DGKD: variants seen among roughly 807,000 people sequenced by gnomAD.
DGKD encodes the protein diacylglycerol kinase delta, also known as DAG kinase delta.
In DGKD, 68 loss-of-function variants were observed where a neutral mutation model predicts 154.4. The observed-to-expected ratio is 0.44, with a 90% CI of 0.36 to 0.54. DGKD has a LOEUF of 0.54. Ranked by LOEUF, DGKD falls within the 20% of genes least tolerant of loss-of-function variation. The probability of loss-of-function intolerance (pLI) is 0.00; values close to 1 mark genes in which losing one functional copy is unlikely to be tolerated. For missense variants in DGKD, 1,343 were observed against 1,593.6 expected (o/e 0.84, Z 2.68); for synonymous variants, 693 against 638.0 (o/e 1.09, Z -1.30).
chr2:233,419,120 A>T (rs2062037060), intron 3 of DGKD: 1 of 597,254 alleles, frequency 1.7e-6, no homozygotes, highest in Admixed American at 6.3e-5. Context: ...AAGTGACAGA[A>T]ATGACCCAGG....
chr2:233,376,409 C>T (rs1405727124), intron 1 of DGKD, among the ~76,000 whole-genome samples: 1 of 152,130 alleles, frequency 6.6e-6, no homozygotes, highest in Non-Finnish European at 1.5e-5. Context: ...CCAATTTCTT[C>T]ATTAGTAAAA....
intron 3 of DGKD, among the ~76,000 whole-genome samples, chr2:233,391,270 A>G (rs1703591731): frequency 6.6e-6 from 1 of 152,124 alleles, no homozygotes; most frequent in African/African-American, 2.4e-5. Context: ...TTCTAAATGC[A>G]CAGAATCATG....
chr2:233,418,074 A>G (rs973944037), intron 3 of DGKD, among the ~76,000 whole-genome samples: 2 of 152,246 alleles, frequency 1.3e-5, no homozygotes, highest in Non-Finnish European at 2.9e-5. Flanking sequence ...GATTATTTAT[A>G]CAGACTAGTT....
intron 3 of DGKD, among the ~76,000 whole-genome samples, chr2:233,405,319 G>A (rs1263906621): frequency 1.3e-5 from 2 of 152,196 alleles, no homozygotes; most frequent in African/African-American, 4.8e-5. Context: ...GGGAGTTTGA[G>A]ATCAGCCTGA....
rs1394786147 is a variant in DGKD at position 233,435,747 on chromosome 2, C to T, written c.587-71C>T. 8 of 1,456,028 alleles carry T rather than the reference C, an allele frequency of 5.5e-6. No homozygotes were observed. The Admixed American group carries it at 1.4e-4, about 26-fold the overall frequency. 90.2% of individuals were successfully genotyped at this position (1,456,028 alleles called of 1,614,324 possible). A position where few individuals can be genotyped will look rare whatever the true frequency, so the allele number is the denominator to read the frequency against. On this transcript the variant is annotated intron_variant, in intron 5 of 29. Coordinates refer to ENST00000264057, the MANE Select transcript of DGKD (RefSeq NM_152879.3). ...CTTTTCTGGAGCTGGACGGTTCTCA[C>T]AACACTGCTCAGCATGGGAAGCTCT...
intron 3 of DGKD, among the ~76,000 whole-genome samples, chr2:233,400,447 C>G (rs186308031): frequency 6.6e-6 from 1 of 152,360 alleles, no homozygotes; most frequent in African/African-American, 2.4e-5. Context: ...ACTGCCCTGT[C>G]TGAGACGCCT....
At chr2:233,453,840 T>A (rs1481385392) in intron 18 of DGKD, among the ~76,000 whole-genome samples, 3 of 143,062 alleles carry the variant, frequency 2.1e-5, no homozygotes, top group Non-Finnish European at 4.5e-5. Context: ...CTTGAATGAG[T>A]CTCTTCTCGT....
At position 233,443,515 on chromosome 2, in the gene DGKD, G is replaced by A. The variant is rs376794281; in HGVS notation, c.1194+1520G>A. Among the ~76,000 whole-genome samples, 24 of 152,250 alleles carry A rather than the reference G, an allele frequency of 1.6e-4. No individual in the cohort carries two copies. The East Asian group carries it at 3.9e-3, about 24-fold the overall frequency. On this transcript the variant is annotated intron_variant, in intron 10 of 29. Coordinates refer to ENST00000264057, the MANE Select transcript of DGKD (RefSeq NM_152879.3). ...GTCAACGTCTGTCATATTTGCAGCT[G>A]CCTACACCCCAAGATTAAGATTTGC...
At position 233,419,717 on chromosome 2, in the gene DGKD, C is replaced by T. The variant is rs1442147900; in HGVS notation, c.349-14663C>T. 5.9e-5 allele frequency among the ~76,000 whole-genome samples: 9 copies of T among 152,274 alleles called. 1 individual carries two copies. In the South Asian group the frequency reaches 1.7e-3, roughly 28 times the overall value. On this transcript the variant is annotated intron_variant, in intron 3 of 29. Coordinates refer to ENST00000264057, the MANE Select transcript of DGKD (RefSeq NM_152879.3). ...AATTCCTACAGTCTGAGCTTTGTCA[C>T]GGGAAAATTTCCCTCCAGTCCCCCA...
intron 10 of DGKD, among the ~76,000 whole-genome samples, chr2:233,444,509 G>A (rs1413148248): frequency 6.6e-6 from 1 of 151,456 alleles, no homozygotes; most frequent in Non-Finnish European, 1.5e-5. Context: ...GCTCTGCCTT[G>A]CCCCCTCCCA....
chr2:233,431,225 T>G (rs1043675200), intron 3 of DGKD, among the ~76,000 whole-genome samples: 3 of 152,246 alleles, frequency 2.0e-5, no homozygotes, highest in African/African-American at 7.2e-5. Context: ...TAATCCCATT[T>G]ACAGTAGTTG....
Position 233,458,612 on chromosome 2 carries a change from A to ATTT in DGKD, c.2694+230_2694+232dup, listed in dbSNP as rs1181817947. Among the ~76,000 whole-genome samples the ATTT allele has an allele frequency of 2.1e-5, 3 of 140,090 alleles. No homozygotes were observed. Among genetic ancestry groups the ATTT allele is most frequent in the Non-Finnish European group, 3.1e-5 (2 of 64,194 alleles). The allele number at this position is 140,090 out of a possible 152,430, so 91.9% of individuals were successfully genotyped here. On this transcript the variant is annotated intron_variant, in intron 22 of 29. Transcript: ENST00000264057. The surrounding 1 kb of genome is among the most constrained non-coding windows in gnomAD (Gnocchi z 6.6). ...TAAATTCTCAAGATAACTCTTTTTA[A>ATTT]TTTTTTTTTTTTTTTTTGAGACAGA...
At chr2:233,419,183 A>G (rs1242145274) in intron 3 of DGKD, 7 of 978,518 alleles carry the variant, frequency 7.2e-6, no homozygotes, top group African/African-American at 1.8e-5. Context: ...CCCAGGAGCT[A>G]TATTTAGCAG....
At chr2:233,451,078 G>T (rs377268962) in intron 17 of DGKD, 28 bp downstream of exon 17, 16 of 1,590,338 alleles carry the variant, frequency 1.0e-5, no homozygotes, top group Non-Finnish European at 1.4e-5. Flanking sequence ...GGAGGGACTG[G>T]TGGGGGCCCT....
intron 3 of DGKD, among the ~76,000 whole-genome samples, chr2:233,430,805 C>T (rs539023153): frequency 6.6e-6 from 1 of 152,230 alleles, no homozygotes; most frequent in South Asian, 2.1e-4. Context: ...CTCTTTTTCC[C>T]CCACATGTTT....
intron 12 of DGKD, chr2:233,447,390 CAA>C (rs2063116430): frequency 1.3e-6 from 1 of 797,222 alleles, no homozygotes; most frequent in Non-Finnish European, 1.5e-6. Context: ...TGGGGTAGTA[CAA>C]AGAGGTGAGC....
At chr2:233,429,840 TC>T in intron 3 of DGKD, among the ~76,000 whole-genome samples, 1 of 152,314 alleles carries the variant, frequency 6.6e-6, no homozygotes, top group African/African-American at 2.4e-5. Flanking sequence ...CAGGTGTTCT[TC>T]TCCCACCAAC....
chr2:233,367,481 G>A (rs774420983), intron 1 of DGKD, among the ~76,000 whole-genome samples: 5 of 151,944 alleles, frequency 3.3e-5, no homozygotes, highest in African/African-American at 9.7e-5. Context: ...CGCCCACCTC[G>A]GCCTCCCAAA....
At chr2:233,382,224 ACT>A (rs1473497025) in intron 1 of DGKD, among the ~76,000 whole-genome samples, 2 of 152,200 alleles carry the variant, frequency 1.3e-5, no homozygotes, top group African/African-American at 4.8e-5. Flanking sequence ...ACAGAGCAAG[ACT>A]CTGTCTCAGA....
Sources: allele counts gnomAD v4.1 joint callset (sites outside exome capture counted in the v4.1 genomes callset), GRCh38; gene constraint gnomAD v4.1.1; non-coding constraint Gnocchi (gnomAD v3.1); transcripts MANE v1.5; gene names NCBI Gene and HGNC (gene_info 2026-07-23, HGNC 2026-07-21).